Variants in PTPRN observed in about 807,000 individuals in gnomAD.
The protein encoded by PTPRN is protein tyrosine phosphatase receptor type N, also known as receptor-type tyrosine-protein phosphatase-like N.
A neutral mutation model predicts 108.5 loss-of-function variants in PTPRN; 70 were observed. That is an observed-to-expected ratio of 0.65 (90% CI 0.53 to 0.79). The LOEUF (loss-of-function observed/expected upper bound fraction) is 0.79. Among genes scored for constraint, PTPRN ranks in the 30% least tolerant of loss-of-function variants. The pLI, the probability that PTPRN is intolerant of heterozygous loss-of-function variation, is 0.00. For synonymous variants in PTPRN, 496 were observed against 524.6 expected (o/e 0.95, Z 0.75); for missense variants, 1,136 against 1,295.5 (o/e 0.88, Z 1.89).
intron 2 of PTPRN, 50 bp from the exon 3 acceptor site, chr2:219,307,607 C>T (rs1200495359): frequency 1.3e-6 from 2 of 1,557,024 alleles, no homozygotes; most frequent in Non-Finnish European, 1.8e-6. Flanking sequence ...AGAGGCCTTC[C>T]AAAGTCCAGG....
rs367633045 is a variant in PTPRN at position 219,297,331 on chromosome 2, C to T, written c.1990G>A (p.Ala664Thr). The T allele has an allele frequency of 2.7e-4, 441 of 1,613,864 alleles. No individual in the cohort carries two copies. The highest frequency in any genetic ancestry group is 4.2e-4 in the Admixed American group (25 of 60,008). Residue 664 changes from alanine to threonine, a missense_variant, in exon 14 of 23, where the codon GCA (alanine) becomes ACA (threonine). Coordinates refer to ENST00000295718, the MANE Select transcript of PTPRN (RefSeq NM_002846.4). The surrounding 1 kb of genome is among the most constrained non-coding windows in gnomAD (Gnocchi z 6.0). ...VSSVSSQFSD[A>T]AQASPSSHSS... ...TGGGAGCTGGGGCTGGCCTGGGCTG[C>T]GTCGCTGAACTGGGAGGACACACTG... is the stretch of plus-strand genomic sequence containing the variant.
chr2:219,301,782 A>C, intron 6 of PTPRN, 63 bp from the exon 7 acceptor site: 1 of 1,548,216 alleles, frequency 6.5e-7, no homozygotes, highest in Non-Finnish European at 8.8e-7. Context: ...GATGCAGATG[A>C]GTGAGTGAGG....
rs528617656 is a variant in PTPRN, at chr2:219,290,684, C to T, written c.2795-73G>A. Reference sequence around the variant, plus strand: ...GGACAGGACCCAGAAAACCTGAGGCCTCCTGGAGGCAAAGAGCCTTGGAGG... The same window carrying T: ...GGACAGGACCCAGAAAACCTGAGGCTTCCTGGAGGCAAAGAGCCTTGGAGG... On this transcript the variant is annotated intron_variant, in intron 21 of 22. Transcript: ENST00000295718. This position sits in a 1 kb window ranked among gnomAD's most constrained non-coding sequence, Gnocchi z 4.2. The T allele has an allele frequency of 3.4e-6, 5 of 1,487,684 alleles. No individual in the cohort carries two copies. The East Asian group carries it at 7.3e-5, about 22-fold the overall frequency. The allele number at this position is 1,487,684 out of a possible 1,614,324, so 92.2% of individuals were successfully genotyped here. A position where few individuals can be genotyped will look rare whatever the true frequency, so the allele number is the denominator to read the frequency against.
Position 219,303,758 on chromosome 2 carries a change from G to A in PTPRN, c.354C>T (p.Pro118=), listed in dbSNP as rs1182877994. 1 of 1,613,988 alleles carries A rather than the reference G, an allele frequency of 6.2e-7. No homozygotes were observed. Among genetic ancestry groups the A allele is most frequent in the Non-Finnish European group, 8.5e-7 (1 of 1,179,976 alleles). The change falls in exon 4 of 23, where the codon CCC becomes CCT. Residue 118 remains proline (P), a synonymous_variant. Transcript: ENST00000295718. ...QEMERIPRLR[P]PEPRPRDRSG... ...ACCTGTCCCTTGGACGGGGCTCTGG[G>A]GGGCGAAGCCTGGGGATGCGCTCCA...
Position 219,303,830 on chromosome 2 carries a change from T to A in PTPRN, c.282A>T (p.Gly94=), listed in dbSNP as rs768758548. 3 of 1,609,872 alleles carry A rather than the reference T, an allele frequency of 1.9e-6. No individual in the cohort carries two copies. Among genetic ancestry groups the A allele is most frequent in the Non-Finnish European group, 2.5e-6 (3 of 1,177,632 alleles). Residue 94 remains glycine (G), a splice_region_variant and synonymous_variant, in exon 4 of 23, where the codon GGA becomes GGT. Transcript: ENST00000295718. ...QGVLRQLMSQ[G]LSWHDDLTQY... is the part of the protein sequence containing the mutation. ...GGGTGAGGTCATCGTGCCAGGACAATCCTGTCAGGAAAGAGGACAGCGTAA... is the reference window on the plus strand; with the variant it reads ...GGGTGAGGTCATCGTGCCAGGACAAACCTGTCAGGAAAGAGGACAGCGTAA...
Position 219,297,872 on chromosome 2 carries a change from TG to T in PTPRN, c.1887+12del. 1 of 1,596,464 alleles carries T rather than the reference TG, an allele frequency of 6.3e-7. No individual in the cohort carries two copies. ...GCATTTCCTTTGCTCAATCAGCTTC[TG>T]GGGCTGCACACCTGGTACTCAAAGG... On this transcript the variant is annotated intron_variant, in intron 13 of 22. Transcript: ENST00000295718. This position sits in a 1 kb window ranked among gnomAD's most constrained non-coding sequence, Gnocchi z 6.0.
Position 219,290,020 on chromosome 2 carries a change from A to T in PTPRN, c.*206T>A. 1 of 588,100 alleles carries T rather than the reference A, an allele frequency of 1.7e-6. No homozygotes were observed. Among genetic ancestry groups the T allele is most frequent in the Admixed American group, 3.0e-5 (1 of 33,084 alleles). 36.4% of individuals were successfully genotyped at this position (588,100 alleles called of 1,614,324 possible). ...CTCCTGGCTGCAGCACCCCCATGGG[A>T]TGCCCTGGGCTCTGGGATGCCCCAG... On this transcript the variant is annotated 3_prime_UTR_variant, in exon 23 of 23. Transcript: ENST00000295718. The surrounding 1 kb of genome is among the most constrained non-coding windows in gnomAD (Gnocchi z 4.2).
At position 219,297,557 on chromosome 2, in the gene PTPRN, G is replaced by T; in HGVS notation, c.1888-124C>A. On this transcript the variant is annotated intron_variant, in intron 13 of 22. Transcript: ENST00000295718. This position sits in a 1 kb window ranked among gnomAD's most constrained non-coding sequence, Gnocchi z 6.0. The stretch of plus-strand genomic sequence containing the variant: ...TTTCAGTGGAACTCAGCTCCTCTGG[G>T]GTATGGTCTTCTGCCTGGCCCTGAT... The T allele has an allele frequency of 1.0e-6, 1 of 971,046 alleles. No individual in the cohort carries two copies. Among genetic ancestry groups the T allele is most frequent in the Non-Finnish European group, 1.5e-6 (1 of 653,112 alleles). 60.2% of individuals were successfully genotyped at this position (971,046 alleles called of 1,614,324 possible).
Position 219,309,383 on chromosome 2 carries a change from G to A in PTPRN, c.-51C>T, listed in dbSNP as rs1952571731. On this transcript the variant is annotated 5_prime_UTR_variant, in exon 1 of 23. Coordinates refer to ENST00000295718, the MANE Select transcript of PTPRN (RefSeq NM_002846.4). ...CCGGGCCGGAGCCGCAGCGACGCTG[G>A]CGGGAGCCTGCCAGAGGGGCTGAGG... 9.9e-7 allele frequency: 1 copy of A among 1,006,614 alleles called. No homozygotes were observed. Among genetic ancestry groups the A allele is most frequent in the Non-Finnish European group, 1.4e-6 (1 of 730,514 alleles). The allele number at this position is 1,006,614 out of a possible 1,614,324, so 62.4% of individuals were successfully genotyped here. A position where few individuals can be genotyped will look rare whatever the true frequency, so the allele number is the denominator to read the frequency against.
chr2:219,303,052 G>A (rs1448095831), intron 4 of PTPRN, among the ~76,000 whole-genome samples: 1 of 152,190 alleles, frequency 6.6e-6, no homozygotes, highest in African/African-American at 2.4e-5. Context: ...CCTCCCTGGT[G>A]AGCATGGCTG....
chr2:219,297,391 G>C lies in PTPRN; in HGVS notation c.1930C>G (p.Arg644Gly), dbSNP rs149994110. The change falls in exon 14 of 23, where the codon CGG (arginine) becomes GGG (glycine). Residue 644 changes from arginine to glycine, a missense_variant. Transcript: ENST00000295718. This position sits in a 1 kb window ranked among gnomAD's most constrained non-coding sequence, Gnocchi z 6.0. ...GAAGGCTCCGGTGGACCCTCTGCCC[G>C]GTTGAACAAGGACTTCGTGGCCATG... ...QHMATKSLFN[R>G]AEGPPEPSRV... 3.1e-6 allele frequency: 5 copies of C among 1,613,944 alleles called. No individual in the cohort carries two copies. The highest frequency in any genetic ancestry group is 4.2e-6 in the Non-Finnish European group (5 of 1,180,036).
At position 219,303,821 on chromosome 2, in the gene PTPRN, C is replaced by T; in HGVS notation, c.291G>A (p.Trp97Ter). 6.2e-7 allele frequency: 1 copy of T among 1,611,150 alleles called. No homozygotes were observed. Among genetic ancestry groups the T allele is most frequent in the Non-Finnish European group, 8.5e-7 (1 of 1,178,456 alleles). Residue 97 changes from tryptophan (W) to a stop codon, truncating the protein, a stop_gained, in exon 4 of 23, where the codon TGG (tryptophan) becomes TGA (stop). Transcript: ENST00000295718. LOFTEE classifies it high-confidence loss of function. ...TCACATACTGGGTGAGGTCATCGTG[C>T]CAGGACAATCCTGTCAGGAAAGAGG... Reference protein sequence around the residue: ...LRQLMSQGLSWHDDLTQYVIS... With the variant: ...LRQLMSQGLS
intron 1 of PTPRN, chr2:219,308,975 A>G: frequency 1.3e-6 from 2 of 1,502,446 alleles, no homozygotes; most frequent in South Asian, 1.2e-5. Context: ...CCTTCTCCCG[A>G]ACCTGCAATT....
At chr2:219,308,699 T>TC (rs559038020) in intron 1 of PTPRN, among the ~76,000 whole-genome samples, 106 of 151,932 alleles carry the variant, frequency 7.0e-4, no homozygotes, top group African/African-American at 2.4e-3. Flanking sequence ...CCCCGTGCTG[T>TC]CCCCCGTTAC....
chr2:219,302,118 A>G lies in PTPRN; in HGVS notation c.994+19T>C. 6.5e-7 allele frequency: 1 copy of G among 1,549,042 alleles called. No homozygotes were observed. Among genetic ancestry groups the G allele is most frequent in the South Asian group, 1.2e-5 (1 of 81,852 alleles). ...CAAAGCAGCCCTCACAGGGAGGTGG[A>G]TGCTGAGGACCTTGTTACCTGGCTG... On this transcript the variant is annotated intron_variant, in intron 6 of 22. Transcript: ENST00000295718.
In PTPRN at chr2:219,296,931, A is replaced by G; in HGVS notation, c.2236+54T>C. 1.2e-6 allele frequency: 2 copies of G among 1,612,500 alleles called. No individual in the cohort carries two copies. The highest frequency in any genetic ancestry group is 1.7e-4 in the Middle Eastern group (1 of 6,022). On this transcript the variant is annotated intron_variant, in intron 15 of 22. Coordinates refer to ENST00000295718, the MANE Select transcript of PTPRN (RefSeq NM_002846.4). The surrounding 1 kb of genome is among the most constrained non-coding windows in gnomAD (Gnocchi z 6.0). ...CCCAACCCCTTACCCCAAGCCCTCC[A>G]GACCTCGCAGCAGAGAGAGGGCTGG...
At chr2:219,293,968 C>G (rs1952110398) in intron 19 of PTPRN, 1 of 435,782 alleles carries the variant, frequency 2.3e-6, no homozygotes, top group East Asian at 7.1e-5. Flanking sequence ...TAGCCCCTGT[C>G]TAGTCCCCAC....
chr2:219,296,404 A>G lies in PTPRN; in HGVS notation c.2388+35T>C, dbSNP rs1952196748. On this transcript the variant is annotated intron_variant, in intron 17 of 22. Transcript: ENST00000295718. This position sits in a 1 kb window ranked among gnomAD's most constrained non-coding sequence, Gnocchi z 6.0. ...ACCTCCCTGGGACCTCGTGGCCACA[A>G]GGACCCCAGCGAAGCCCTCCCTTTA... The G allele has an allele frequency of 6.2e-7, 1 of 1,614,108 alleles. No individual in the cohort carries two copies. Among genetic ancestry groups the G allele is most frequent in the South Asian group, 1.1e-5 (1 of 91,084 alleles).
chr2:219,308,760 G>A, intron 1 of PTPRN: 1 of 1,129,992 alleles, frequency 8.8e-7, no homozygotes, highest in Admixed American at 3.1e-5. Flanking sequence ...GAGAAACCCT[G>A]GCCTCTCTCT....
Sources: allele counts gnomAD v4.1 joint callset (sites outside exome capture counted in the v4.1 genomes callset), GRCh38; gene constraint gnomAD v4.1.1; non-coding constraint Gnocchi (gnomAD v3.1); transcripts MANE v1.5; gene names NCBI Gene and HGNC (gene_info 2026-07-23, HGNC 2026-07-21).